EFCAB6: variants seen among roughly 807,000 people sequenced by gnomAD.
EFCAB6 encodes the protein EF-hand calcium-binding domain-containing protein 6.
A neutral mutation model predicts 169.8 loss-of-function variants in EFCAB6; 156 were observed. The observed-to-expected ratio is 0.92, with a 90% CI of 0.81 to 1.05. The LOEUF (loss-of-function observed/expected upper bound fraction) is 1.05, where lower values mean the gene tolerates loss of function less well. EFCAB6 is among the 50% of genes least tolerant of loss of function. EFCAB6 has a pLI of 0.00. For missense variants in EFCAB6, 1,800 were observed against 1,829.1 expected (o/e 0.98, Z 0.29); for synonymous variants, 698 against 676.4 (o/e 1.03, Z -0.50).
At chr22:43,619,052 G>A (rs1009728353) in intron 20 of EFCAB6, among the ~76,000 whole-genome samples, 2 of 152,124 alleles carry the variant, frequency 1.3e-5, no homozygotes, top group African/African-American at 2.4e-5. Flanking sequence ...CAGAGTGTGG[G>A]GGAGATCATA....
chr22:43,616,505 A>G (rs1028114376), intron 20 of EFCAB6, among the ~76,000 whole-genome samples: 1 of 152,218 alleles, frequency 6.6e-6, no homozygotes, highest in South Asian at 2.1e-4. Context: ...TCTACTAAAA[A>G]TACAAAAATT....
intron 23 of EFCAB6, among the ~76,000 whole-genome samples, chr22:43,597,734 C>G (rs192858085): frequency 1.3e-5 from 2 of 152,242 alleles, no homozygotes; most frequent in African/African-American, 4.8e-5. Context: ...TATGATACTG[C>G]TGGGTATATA....
intron 20 of EFCAB6, among the ~76,000 whole-genome samples, chr22:43,624,744 G>T (rs986184281): frequency 1.3e-5 from 2 of 152,150 alleles, no homozygotes; most frequent in African/African-American, 4.8e-5. Context: ...GAGCATCTGG[G>T]TCTTATTCAC....
At chr22:43,576,654 G>A (rs923932024) in intron 25 of EFCAB6, among the ~76,000 whole-genome samples, 166 bp from the exon 26 acceptor site, 1 of 152,180 alleles carries the variant, frequency 6.6e-6, no homozygotes, top group Non-Finnish European at 1.5e-5. Context: ...GAAGGACTGA[G>A]ACAAGTATGA....
Position 43,736,410 on chromosome 22 carries a change from A to G in EFCAB6, c.508-417T>C, listed in dbSNP as rs965634079. ...AATAGGAGCTGGAAAATATGACTGT[A>G]TATTTCAACCCCTCTAAATTTTTTA... is the stretch of plus-strand genomic sequence containing the variant. On this transcript the variant is annotated intron_variant, in intron 6 of 31. Coordinates refer to ENST00000262726, the MANE Select transcript of EFCAB6 (RefSeq NM_022785.4). 6.6e-5 allele frequency among the ~76,000 whole-genome samples: 10 copies of G among 152,246 alleles called. No homozygotes were observed. In the East Asian group the frequency reaches 1.9e-3, roughly 29 times the overall value.
chr22:43,590,343 T>C, intron 23 of EFCAB6, 114 bp from the exon 24 acceptor site: 1 of 1,254,126 alleles, frequency 8.0e-7, no homozygotes, highest in Admixed American at 2.6e-5. Flanking sequence ...ATCTAAGAAC[T>C]AATTTTGAAG....
chr22:43,716,824 T>C (rs996720194), intron 9 of EFCAB6, 24 bp downstream of exon 9: 70 of 1,593,394 alleles, frequency 4.4e-5, no homozygotes, highest in Non-Finnish European at 4.9e-5. Context: ...CTGTAGGTAA[T>C]TGTGGCTTAG....
intron 19 of EFCAB6, 32 bp downstream of exon 19, chr22:43,632,073 G>GAGA: frequency 6.2e-7 from 1 of 1,609,710 alleles, no homozygotes; most frequent in South Asian, 1.1e-5. Context: ...GGGAGGCCTA[G>GAGA]AGAAGCCCAG....
intron 6 of EFCAB6, among the ~76,000 whole-genome samples, chr22:43,752,896 G>A (rs964906151): frequency 6.6e-6 from 1 of 152,178 alleles, no homozygotes; most frequent in Non-Finnish European, 1.5e-5. Flanking sequence ...CCAGCTGGTG[G>A]CAGATAAAGA....
chr22:43,556,576 A>G (rs952054277), intron 26 of EFCAB6, among the ~76,000 whole-genome samples: 1 of 152,224 alleles, frequency 6.6e-6, no homozygotes, highest in Non-Finnish European at 1.5e-5. Flanking sequence ...CTCAACTCCT[A>G]TTAAAACTTG....
chr22:43,608,801 G>A (rs2053103062), intron 21 of EFCAB6, among the ~76,000 whole-genome samples: 1 of 152,194 alleles, frequency 6.6e-6, no homozygotes, highest in South Asian at 2.1e-4. Flanking sequence ...ATGAGAATTA[G>A]GGGTCGGAAG....
chr22:43,711,671 A>G, intron 9 of EFCAB6, 48 bp from the exon 10 acceptor site: 3 of 1,557,212 alleles, frequency 1.9e-6, no homozygotes, highest in Non-Finnish European at 2.6e-6. Context: ...TATCAACTTC[A>G]TGGAGCTATT....
chr22:43,542,045 G>A (rs1157163395), intron 27 of EFCAB6, among the ~76,000 whole-genome samples: 6 of 152,258 alleles, frequency 3.9e-5, no homozygotes, highest in Non-Finnish European at 8.8e-5. Context: ...CCCTCTCATG[G>A]AGCAGGAGAG....
chr22:43,564,598 G>A (rs1047963383), intron 26 of EFCAB6, among the ~76,000 whole-genome samples: 12 of 152,220 alleles, frequency 7.9e-5, no homozygotes, highest in Non-Finnish European at 1.6e-4. Flanking sequence ...GCCAGGGGCG[G>A]GAGCAAGCCC....
intron 12 of EFCAB6, among the ~76,000 whole-genome samples, chr22:43,683,508 C>T (rs2147109289): frequency 6.6e-6 from 1 of 152,286 alleles, no homozygotes; most frequent in African/African-American, 2.4e-5. Context: ...CAACTGGCAC[C>T]TATGTTACTG....
At chr22:43,672,820 C>T (rs1186542982) in intron 13 of EFCAB6, among the ~76,000 whole-genome samples, 3 of 151,952 alleles carry the variant, frequency 2.0e-5, no homozygotes, top group Admixed American at 1.3e-4. Flanking sequence ...CAATAAACCC[C>T]CATGACACAA....
At chr22:43,536,466 T>C (rs1051554689) in intron 29 of EFCAB6, 1 of 152,180 alleles carries the variant, frequency 6.6e-6, no homozygotes, top group African/African-American at 2.4e-5. Context: ...GTCTGTATAT[T>C]AGTCATGTGT....
At chr22:43,553,626 G>A (rs952205625) in intron 27 of EFCAB6, 1 of 152,376 alleles carries the variant, frequency 6.6e-6, no homozygotes, top group African/African-American at 2.4e-5. Flanking sequence ...CTGCTCCCCT[G>A]GTGCTGGTGT....
chr22:43,705,831 T>G (rs1269941371), intron 10 of EFCAB6, among the ~76,000 whole-genome samples: 1 of 151,062 alleles, frequency 6.6e-6, no homozygotes, highest in Non-Finnish European at 1.5e-5. Context: ...CTCAAGGAAA[T>G]AGAAAAAAAG....
Sources: allele counts gnomAD v4.1 joint callset (sites outside exome capture counted in the v4.1 genomes callset), GRCh38; gene constraint gnomAD v4.1.1; transcripts MANE v1.5; gene names NCBI Gene and HGNC (gene_info 2026-07-23, HGNC 2026-07-21).